KALRN: variants seen among roughly 807,000 people sequenced by gnomAD.
KALRN encodes kalirin.
Under a neutral mutation model 353.7 loss-of-function variants are expected in KALRN, and 70 were observed. The observed-to-expected ratio is 0.20, with a 90% CI of 0.16 to 0.24. KALRN has a LOEUF of 0.24. KALRN is among the 10% of genes least tolerant of loss of function. The pLI is 1.00. For missense variants in KALRN, 2,791 were observed against 3,756.7 expected (o/e 0.74, Z 6.72); for synonymous variants, 1,391 against 1,434.8 (o/e 0.97, Z 0.69).
At chr3:124,709,539 A>G (rs933109028) in intron 57 of KALRN, among the ~76,000 whole-genome samples, 19 of 152,204 alleles carry the variant, frequency 1.2e-4, no homozygotes, top group African/African-American at 3.9e-4. Flanking sequence ...TGGTCTCCCA[A>G]GGTGTTGGGA....
chr3:124,578,095 C>T (rs1295667119), intron 34 of KALRN, among the ~76,000 whole-genome samples: 6 of 152,190 alleles, frequency 3.9e-5, no homozygotes, highest in Non-Finnish European at 5.9e-5. Flanking sequence ...AAACCAACTT[C>T]TGCTAGAATT....
intron 1 of KALRN, among the ~76,000 whole-genome samples, chr3:124,101,392 A>G (rs773599814): frequency 5.9e-5 from 9 of 152,182 alleles, no homozygotes; most frequent in Non-Finnish European, 1.2e-4. Context: ...AGAAAGAAAA[A>G]TCGTTTTCTG....
At chr3:124,193,742 C>T (rs547973102) in intron 1 of KALRN, among the ~76,000 whole-genome samples, 6 of 152,050 alleles carry the variant, frequency 3.9e-5, no homozygotes, top group Non-Finnish European at 7.4e-5. Flanking sequence ...TATATGCCCT[C>T]GAGTCTTTGT....
intron 33 of KALRN, among the ~76,000 whole-genome samples, chr3:124,520,019 T>C (rs948103413): frequency 3.9e-5 from 6 of 152,180 alleles, no homozygotes; most frequent in Admixed American, 3.3e-4. Context: ...ATTGCAGCAC[T>C]AATGAGAATC....
intron 34 of KALRN, among the ~76,000 whole-genome samples, chr3:124,622,750 G>A (rs1346544469): frequency 6.6e-6 from 1 of 152,198 alleles, no homozygotes; most frequent in East Asian, 1.9e-4. Flanking sequence ...CTTGGGGTCA[G>A]TAGAAACAAG....
At chr3:124,378,690 TTTTTTA>T (rs2086912563) in intron 10 of KALRN, among the ~76,000 whole-genome samples, 2 of 152,016 alleles carry the variant, frequency 1.3e-5, no homozygotes, top group Admixed American at 1.3e-4. Flanking sequence ...TTTTGTTTTT[TTTTTTA>T]TTTGTTTTGT....
At chr3:124,581,511 T>C (rs1375513315) in intron 34 of KALRN, among the ~76,000 whole-genome samples, 3 of 152,142 alleles carry the variant, frequency 2.0e-5, no homozygotes, top group African/African-American at 2.4e-5. Flanking sequence ...TTCTCAAACA[T>C]GTAACTCAAG....
intron 5 of KALRN, among the ~76,000 whole-genome samples, chr3:124,272,547 G>A (rs949432027): frequency 3.3e-5 from 5 of 152,114 alleles, no homozygotes; most frequent in Admixed American, 6.6e-5. Context: ...AAGGAGTGTG[G>A]GGGAGTGGGC....
chr3:124,667,695 T>A (rs1365489843), intron 47 of KALRN, among the ~76,000 whole-genome samples: 1 of 152,206 alleles, frequency 6.6e-6, no homozygotes, highest in Non-Finnish European at 1.5e-5. Context: ...TTGCTAACTT[T>A]AAATTTCTGT....
intron 47 of KALRN, among the ~76,000 whole-genome samples, chr3:124,669,901 A>G (rs550568395): frequency 8.5e-5 from 13 of 152,188 alleles, no homozygotes; most frequent in Admixed American, 3.3e-4. Context: ...GAATGACAAG[A>G]AAAAAAACTC....
intron 5 of KALRN, among the ~76,000 whole-genome samples, chr3:124,288,663 A>C (rs2076160821): frequency 6.6e-6 from 1 of 152,160 alleles, no homozygotes; most frequent in Admixed American, 6.5e-5. Flanking sequence ...GCAATGTATT[A>C]GTGCAGTGAA....
At chr3:124,597,031 G>T (rs1978893) in intron 34 of KALRN, among the ~76,000 whole-genome samples, 22,971 of 151,952 alleles carry the variant, frequency 0.15, 2,888 homozygotes, top group East Asian at 0.5. Context: ...CTAGGTGACA[G>T]AGCAAGACTC....
At chr3:124,294,862 T>C (rs1400125836) in intron 5 of KALRN, among the ~76,000 whole-genome samples, 1 of 152,214 alleles carries the variant, frequency 6.6e-6, no homozygotes, top group Non-Finnish European at 1.5e-5. Flanking sequence ...TTGTGCGTAT[T>C]ATAAACCAGG....
chr3:124,673,519 T>C (rs1399000907), intron 48 of KALRN, among the ~76,000 whole-genome samples: 2 of 151,074 alleles, frequency 1.3e-5, no homozygotes, highest in Non-Finnish European at 3.0e-5. Flanking sequence ...TATATACATA[T>C]AGAATATATA....
At chr3:124,480,613 C>T (rs1050161833) in intron 27 of KALRN, among the ~76,000 whole-genome samples, 2 of 152,146 alleles carry the variant, frequency 1.3e-5, no homozygotes, top group African/African-American at 4.8e-5. Flanking sequence ...TGTGCGCTGA[C>T]AGGTATGTGC....
At chr3:124,290,456 A>G (rs2076323624) in intron 5 of KALRN, among the ~76,000 whole-genome samples, 1 of 152,210 alleles carries the variant, frequency 6.6e-6, no homozygotes, top group Admixed American at 6.5e-5. Flanking sequence ...TGGATGGAGG[A>G]AAAACAAAGG....
intron 34 of KALRN, among the ~76,000 whole-genome samples, chr3:124,567,071 A>G (rs540838348): frequency 2.6e-5 from 4 of 152,312 alleles, no homozygotes; most frequent in East Asian, 1.9e-4. Flanking sequence ...AGGGTTCCCA[A>G]CGCTGGCTGC....
intron 1 of KALRN, among the ~76,000 whole-genome samples, chr3:124,118,776 C>T (rs2063699866): frequency 2.6e-5 from 4 of 152,136 alleles, no homozygotes; most frequent in South Asian, 2.1e-4. Flanking sequence ...ACTGGAAATC[C>T]GTCTTCTCAT....
intron 6 of KALRN, among the ~76,000 whole-genome samples, chr3:124,314,792 A>G (rs2078648456): frequency 6.6e-6 from 1 of 151,958 alleles, no homozygotes; most frequent in Non-Finnish European, 1.5e-5. Flanking sequence ...AAGTAGCTGG[A>G]CTACAGGTGT....
Sources: allele counts gnomAD v4.1 joint callset (sites outside exome capture counted in the v4.1 genomes callset), GRCh38; gene constraint gnomAD v4.1.1; transcripts MANE v1.5; gene names NCBI Gene and HGNC (gene_info 2026-07-23, HGNC 2026-07-21).